Variants in TNS1 observed in about 807,000 individuals in gnomAD.
TNS1 encodes tensin-1.
A neutral mutation model predicts 168.6 loss-of-function variants in TNS1; 62 were observed. The observed-to-expected ratio is 0.37, with a 90% confidence interval of 0.30 to 0.45. The LOEUF (loss-of-function observed/expected upper bound fraction) is 0.45. Among genes scored for constraint, TNS1 ranks in the 20% least tolerant of loss-of-function variants. TNS1 has a pLI of 1.00. For synonymous variants in TNS1, 934 were observed against 933.2 expected, an observed-to-expected ratio of 1.00 and a Z score of -0.02; for missense variants, 2,240 against 2,339.4, an observed-to-expected ratio of 0.96 and a Z score of 0.88.
chr2:217,960,259 C>A (rs558805807), intron 3 of TNS1, among the ~76,000 whole-genome samples: 2 of 152,192 alleles, frequency 1.3e-5, no homozygotes, highest in African/African-American at 4.8e-5. Flanking sequence ...GTGTTATTTT[C>A]ATTATCCCTA....
intron 3 of TNS1, among the ~76,000 whole-genome samples, chr2:217,963,215 A>C (rs998717807): frequency 4.6e-5 from 7 of 152,232 alleles, no homozygotes; most frequent in African/African-American, 1.7e-4. Flanking sequence ...AGGGATGCTC[A>C]GACTAAGAGG....
chr2:217,889,825 C>T (rs1031340139), intron 12 of TNS1, among the ~76,000 whole-genome samples: 2 of 152,238 alleles, frequency 1.3e-5, no homozygotes, highest in Admixed American at 6.5e-5. Flanking sequence ...CAGCAGCAAA[C>T]AGAGCTGGGC....
At chr2:217,841,128 T>G (rs1945890771) in intron 19 of TNS1, 2 of 714,326 alleles carry the variant, frequency 2.8e-6, no homozygotes, top group Admixed American at 6.6e-5. Context: ...GAAGAAGGAG[T>G]GAAAAGAAAC....
intron 3 of TNS1, among the ~76,000 whole-genome samples, chr2:217,956,363 G>A (rs767855909): frequency 3.0e-4 from 45 of 152,090 alleles, no homozygotes; most frequent in Non-Finnish European, 5.3e-4. Flanking sequence ...AACAAGGGAG[G>A]CTCCTGGAGG....
intron 19 of TNS1, among the ~76,000 whole-genome samples, chr2:217,846,878 A>C (rs540523516): frequency 6.6e-6 from 1 of 152,220 alleles, no homozygotes; most frequent in Non-Finnish European, 1.5e-5. Flanking sequence ...GACTAACAGG[A>C]AAACTGACTT....
At chr2:217,840,423 C>T (rs571934616) in intron 19 of TNS1, among the ~76,000 whole-genome samples, 43 of 152,374 alleles carry the variant, frequency 2.8e-4, no homozygotes, top group Middle Eastern at 3.4e-3. Context: ...GTCAAACCAC[C>T]GTGCAAAATA....
intron 3 of TNS1, among the ~76,000 whole-genome samples, chr2:217,957,077 CCA>C (rs1957383410): frequency 6.6e-6 from 1 of 152,172 alleles, no homozygotes; most frequent in South Asian, 2.1e-4. Context: ...AGGAGTAGGA[CCA>C]CGGTATGGAG....
intron 6 of TNS1, among the ~76,000 whole-genome samples, chr2:217,901,542 G>C (rs1455393352): frequency 6.6e-6 from 1 of 152,170 alleles, no homozygotes; most frequent in Non-Finnish European, 1.5e-5. Flanking sequence ...GAATTGGGAA[G>C]GCCAGTTTCT....
chr2:217,873,918 T>C lies in TNS1; in HGVS notation c.1429+6980A>G, dbSNP rs146955725. On this transcript the variant is annotated intron_variant, in intron 18 of 32. Transcript: ENST00000682258. ...CCAGGCAAGAAAGAATGTTCTGGAATGTTCCCCCTTTCTTCCCTTCCTAAC... is the reference window on the plus strand; with the variant it reads ...CCAGGCAAGAAAGAATGTTCTGGAACGTTCCCCCTTTCTTCCCTTCCTAAC... 2.2e-3 allele frequency among the ~76,000 whole-genome samples: 331 copies of C among 152,248 alleles called. 2 individuals are homozygous for C. The highest frequency in any genetic ancestry group is 7.4e-3 in the African/African-American group (306 of 41,530).
At chr2:217,835,925 T>A in intron 20 of TNS1, 90 bp downstream of exon 20, 1 of 1,146,294 alleles carries the variant, frequency 8.7e-7, no homozygotes, top group Non-Finnish European at 1.3e-6. Flanking sequence ...AGTATACTGA[T>A]ATCAGTGCCA....
rs724159922 is a variant in TNS1 at position 217,848,413 on chromosome 2, G to A, written c.2104C>T (p.Pro702Ser). The part of the protein sequence containing the change: ...AGPAHAGHTA[P>S]MRPSYSAQEG... ...TGTGCAGAGTAGGAGGGCCGCATGG[G>A]GGCCGTGTGGCCAGCATGGGCAGGC... The change falls in exon 19 of 33, where the codon CCC (proline) becomes TCC (serine). Residue 702 changes from proline to serine, a missense_variant. Transcript: ENST00000682258. 1.3e-6 allele frequency: 2 copies of A among 1,597,756 alleles called. No homozygotes were observed. The highest frequency in any genetic ancestry group is 8.5e-7 in the Non-Finnish European group (1 of 1,170,918).
At position 217,931,563 on chromosome 2, in the gene TNS1, C is replaced by T. The variant is rs139205211; in HGVS notation, c.187-11327G>A. On this transcript the variant is annotated intron_variant, in intron 3 of 32. Transcript: ENST00000682258. ...CATCAGAGACCCACACAGACATCAGCCCCTGTCTTCTGAAGCTAGGCCATC... is the reference window on the plus strand; with the variant it reads ...CATCAGAGACCCACACAGACATCAGTCCCTGTCTTCTGAAGCTAGGCCATC... Among the ~76,000 whole-genome samples, 252 of 152,298 alleles carry T rather than the reference C, an allele frequency of 1.7e-3. 3 individuals carry two copies. Among genetic ancestry groups the T allele is most frequent in the African/African-American group, 5.6e-3 (232 of 41,556 alleles).
chr2:218,030,132 C>T (rs1419417238), intron 1 of TNS1, among the ~76,000 whole-genome samples: 1 of 152,168 alleles, frequency 6.6e-6, no homozygotes. Context: ...CTTTGACTCT[C>T]TCCCTCCCAA....
rs1425707432 is a variant in TNS1, at chr2:217,813,319, A to G, written c.4862-12T>C. ...ATGGGTCATGTCTCCTGGGACAAAG[A>G]GAAAGAAATAAGGCTCAGTCCCTGC... On this transcript the variant is annotated splice_polypyrimidine_tract_variant and intron_variant, in intron 26 of 32. Transcript: ENST00000682258. This position sits in a 1 kb window ranked among gnomAD's most constrained non-coding sequence, Gnocchi z 4.0. 1 of 1,563,888 alleles carries G rather than the reference A, an allele frequency of 6.4e-7. No homozygotes were observed. The highest frequency in any genetic ancestry group is 2.3e-5 in the East Asian group (1 of 42,562).
At chr2:218,014,905 AAGGAAGGAAGGAAGGAAGGC>A (rs1191782012), upstream of TNS1, among the ~76,000 whole-genome samples, 21,182 of 135,482 alleles carry the variant, frequency 0.16, 1,887 homozygotes, top group Middle Eastern at 0.24. Flanking sequence ...GGAAGGAAGG[AAGGAAGGAAGGAAGGAAGGC>A]AGGCAGGCAG....
At position 217,815,464 on chromosome 2, in the gene TNS1, T is replaced by C. The variant is rs80096650; in HGVS notation, c.4643-466A>G. 303 of 157,758 alleles carry C rather than the reference T, an allele frequency of 1.9e-3. 10 individuals carry two copies. In the East Asian group the frequency reaches 0.049, roughly 25 times the overall value. The allele number at this position is 157,758 out of a possible 1,614,324, so 9.8% of individuals were successfully genotyped here. On this transcript the variant is annotated intron_variant, in intron 24 of 32. Transcript: ENST00000682258. Reference sequence around the variant, plus strand: ...CCACTAAGCACATGGTCCTTTGTTATGGCAGCCCCAGGAAACTGACATCAA... The same window carrying C: ...CCACTAAGCACATGGTCCTTTGTTACGGCAGCCCCAGGAAACTGACATCAA...
intron 1 of TNS1, 62 bp from the exon 2 acceptor site, chr2:217,991,118 A>G: frequency 1.9e-6 from 1 of 533,624 alleles, no homozygotes; most frequent in Non-Finnish European, 3.5e-6. Flanking sequence ...GGGAAGGAGT[A>G]GAGGAGCCTG....
At chr2:218,017,108 A>T (rs1248710202) in intron 1 of TNS1, among the ~76,000 whole-genome samples, 13 of 152,256 alleles carry the variant, frequency 8.5e-5, no homozygotes, top group African/African-American at 3.1e-4. Flanking sequence ...GAAGGGACAA[A>T]CCCAGTGGGG....
chr2:217,975,945 C>T (rs377533981), intron 3 of TNS1, among the ~76,000 whole-genome samples: 6 of 152,284 alleles, frequency 3.9e-5, no homozygotes, highest in South Asian at 2.1e-4. Flanking sequence ...GAAATCCAAT[C>T]GCGTCCCTCC....
Sources: allele counts gnomAD v4.1 joint callset (sites outside exome capture counted in the v4.1 genomes callset), GRCh38; gene constraint gnomAD v4.1.1; non-coding constraint Gnocchi (gnomAD v3.1); transcripts MANE v1.5; gene names NCBI Gene and HGNC (gene_info 2026-07-23, HGNC 2026-07-21).